Variants in BAZ1B observed in about 807,000 individuals in gnomAD.
BAZ1B encodes the protein bromodomain adjacent to zinc finger domain 1B.
A neutral mutation model predicts 153.8 loss-of-function variants in BAZ1B; 22 were observed. That is an observed-to-expected ratio of 0.14 (90% CI 0.10 to 0.20). BAZ1B has a LOEUF of 0.20. Ranked by LOEUF, BAZ1B falls within the 10% of genes least tolerant of loss-of-function variation. The probability of loss-of-function intolerance (pLI) is 1.00; values close to 1 mark genes in which losing one functional copy is unlikely to be tolerated. For synonymous variants in BAZ1B, 676 were observed against 633.4 expected (o/e 1.07, Z -1.01); for missense variants, 1,325 against 1,799.3 (o/e 0.74, Z 4.77).
At chr7:73,487,593 A>G (rs782661734) in intron 6 of BAZ1B, among the ~76,000 whole-genome samples, 9 of 152,238 alleles carry the variant, frequency 5.9e-5, no homozygotes, top group Non-Finnish European at 1.3e-4. Context: ...TAAGGACTCA[A>G]GTAATCCAAG....
At chr7:73,464,570 T>C (rs1309095529) in intron 11 of BAZ1B, among the ~76,000 whole-genome samples, 1 of 152,228 alleles carries the variant, frequency 6.6e-6, no homozygotes, top group East Asian at 1.9e-4. Context: ...GATGTTTCAT[T>C]TGAATGGAAT....
intron 1 of BAZ1B, among the ~76,000 whole-genome samples, chr7:73,514,270 C>T (rs782399247): frequency 2.6e-5 from 4 of 152,048 alleles, no homozygotes; most frequent in African/African-American, 9.7e-5. Flanking sequence ...GTGGCTCATG[C>T]CTATAATCCT....
At chr7:73,496,735 G>C (rs369802825) in intron 4 of BAZ1B, among the ~76,000 whole-genome samples, 1 of 152,098 alleles carries the variant, frequency 6.6e-6, no homozygotes, top group Non-Finnish European at 1.5e-5. Context: ...ACCTGCTCCC[G>C]TGTGAGAGGG....
At chr7:73,447,220 T>G in intron 16 of BAZ1B, 44 bp downstream of exon 16, 1 of 1,612,478 alleles carries the variant, frequency 6.2e-7, no homozygotes, top group Non-Finnish European at 8.5e-7. Flanking sequence ...GTTCCAAGCT[T>G]AGAAGACTGT....
rs1554573035 is a variant in BAZ1B at position 73,477,619 on chromosome 7, C to T, written c.1842G>A (p.Val614=). 1.2e-6 allele frequency: 2 copies of T among 1,614,178 alleles called. No individual in the cohort carries two copies. Among genetic ancestry groups the T allele is most frequent in the Non-Finnish European group, 1.7e-6 (2 of 1,180,032 alleles). Residue 614 remains valine, a synonymous_variant, in exon 7 of 20, where the codon GTG becomes GTA. Transcript: ENST00000339594. This position sits in a 1 kb window ranked among gnomAD's most constrained non-coding sequence, Gnocchi z 5.6. ...GCCCAGAATAACAGCTCAAGAATTC[C>T]ACCACCATGGCCACATCCCCAAACA... The part of the protein sequence containing the change: ...NTLFGDVAMV[V]EFLSCYSGLL...
At chr7:73,470,873 T>C (rs565696795) in intron 7 of BAZ1B, among the ~76,000 whole-genome samples, 1 of 152,202 alleles carries the variant, frequency 6.6e-6, no homozygotes. Context: ...GTCGCTGGAC[T>C]ACAGGCACAC....
chr7:73,442,847 C>T lies in BAZ1B; in HGVS notation c.3991-19G>A. 6.3e-7 allele frequency: 1 copy of T among 1,586,116 alleles called. No homozygotes were observed. Among genetic ancestry groups the T allele is most frequent in the Non-Finnish European group, 8.7e-7 (1 of 1,155,676 alleles). ...GAAGCACCTGGCAGGAAAGAAAGAA[C>T]AATGTTATTACAGATTCAAGACAGG... On this transcript the variant is annotated intron_variant, in intron 17 of 19. Coordinates refer to ENST00000339594, the MANE Select transcript of BAZ1B (RefSeq NM_032408.4).
chr7:73,518,925 C>T (rs1233914152), intron 1 of BAZ1B, among the ~76,000 whole-genome samples: 1 of 152,112 alleles, frequency 6.6e-6, no homozygotes, highest in Admixed American at 6.6e-5. Flanking sequence ...AGCTCCAATT[C>T]CTGCCTAAAA....
chr7:73,447,292 T>TTCC lies in BAZ1B; in HGVS notation c.3813_3815dup (p.Glu1273dup), dbSNP rs551016129. On this transcript the variant is annotated inframe_insertion, in exon 16 of 20. Coordinates refer to ENST00000339594, the MANE Select transcript of BAZ1B (RefSeq NM_032408.4). The stretch of plus-strand genomic sequence containing the variant: ...GCAAACCAGCCACCTCATAATCTTC[T>TTCC]TCCTCCTCCTCCTCTTCTTCCTCCT... 1.5e-4 allele frequency: 234 copies of TTCC among 1,609,042 alleles called. No homozygotes were observed. Among genetic ancestry groups the TTCC allele is most frequent in the Non-Finnish European group, 1.8e-4 (217 of 1,175,310 alleles).
At chr7:73,495,460 G>A (rs1016874683) in intron 4 of BAZ1B, among the ~76,000 whole-genome samples, 1 of 152,088 alleles carries the variant, frequency 6.6e-6, no homozygotes, top group African/African-American at 2.4e-5. Context: ...AGAAGGCAAA[G>A]AATAGAATCC....
chr7:73,468,032 A>T (rs1340704272), intron 9 of BAZ1B, among the ~76,000 whole-genome samples: 1 of 152,226 alleles, frequency 6.6e-6, no homozygotes, highest in Non-Finnish European at 1.5e-5. Flanking sequence ...CTTATTTAAC[A>T]ATTTTGTGAG....
chr7:73,510,957 T>C, intron 1 of BAZ1B, 105 bp from the exon 2 acceptor site: 1 of 910,278 alleles, frequency 1.1e-6, no homozygotes, highest in South Asian at 1.5e-5. Context: ...CTTTTTAAAA[T>C]GTGTAGCATG....
At chr7:73,501,530 C>G (rs2116423215) in intron 3 of BAZ1B, among the ~76,000 whole-genome samples, 1 of 152,286 alleles carries the variant, frequency 6.6e-6, no homozygotes, top group South Asian at 2.1e-4. Context: ...GAGGGTGCTA[C>G]TGGCATCTAG....
At chr7:73,499,178 C>A (rs1243189137) in intron 3 of BAZ1B, among the ~76,000 whole-genome samples, 1 of 152,120 alleles carries the variant, frequency 6.6e-6, no homozygotes, top group East Asian at 1.9e-4. Flanking sequence ...TAGGCACGCA[C>A]CATCGTGCCA....
At chr7:73,500,661 T>C (rs1233487026) in intron 3 of BAZ1B, among the ~76,000 whole-genome samples, 1 of 147,822 alleles carries the variant, frequency 6.8e-6, no homozygotes, top group African/African-American at 2.5e-5. Flanking sequence ...GAGGCTGAAG[T>C]GGGTGGGTCA....
intron 13 of BAZ1B, among the ~76,000 whole-genome samples, chr7:73,458,809 G>C (rs1788289357): frequency 1.3e-5 from 2 of 152,166 alleles, no homozygotes; most frequent in Admixed American, 6.5e-5. Flanking sequence ...TGGGAGGATA[G>C]CTTGAGGCCA....
At chr7:73,462,651 T>G in intron 12 of BAZ1B, 1 of 429,554 alleles carries the variant, frequency 2.3e-6, no homozygotes, top group South Asian at 2.4e-5. Flanking sequence ...GACTGGAGCC[T>G]CTACAACCAG....
Position 73,456,937 on chromosome 7 carries a change from C to CA in BAZ1B, c.3432+2598dup, listed in dbSNP as rs71071937. Among the ~76,000 whole-genome samples, 37 of 39,582 alleles carry CA rather than the reference C, an allele frequency of 9.3e-4. 6 individuals are homozygous for CA. Among genetic ancestry groups the CA allele is most frequent in the Admixed American group, 2.3e-3 (5 of 2,142 alleles). The allele number at this position is 39,582 out of a possible 152,430, so 26.0% of individuals were successfully genotyped here. On this transcript the variant is annotated intron_variant, in intron 13 of 19. Transcript: ENST00000339594. ...GGCCTCGGCGACAGAGACTCTGTCT[C>CA]AAAAAAAAAAAAAAAAAAAAAAAAA...
Position 73,463,076 on chromosome 7 carries a change from A to G in BAZ1B, c.3095T>C (p.Ile1032Thr), listed in dbSNP as rs1788451898. The G allele has an allele frequency of 6.2e-7, 1 of 1,613,762 alleles. No individual in the cohort carries two copies. Among genetic ancestry groups the G allele is most frequent in the East Asian group, 2.2e-5 (1 of 44,856 alleles). Residue 1032 changes from isoleucine to threonine, a missense_variant, in exon 12 of 20, where the codon ATT becomes ACT. This residue lies in a region of BAZ1B where 431 missense variants were observed against 563.5 expected (regional missense o/e 0.76). Coordinates refer to ENST00000339594, the MANE Select transcript of BAZ1B (RefSeq NM_032408.4). ...CAAATTTGGCTTCCGTGCTAGATGA[A>G]TAGAGTGAATAATGTCCTGGTACCT... is the stretch of plus-strand genomic sequence containing the variant. ...EKRYQDIIHS[I>T]HLARKPNLGL... is the part of the protein sequence containing the mutation.
Sources: allele counts gnomAD v4.1 joint callset (sites outside exome capture counted in the v4.1 genomes callset), GRCh38; gene constraint gnomAD v4.1.1; regional missense constraint gnomAD v4.1.1; non-coding constraint Gnocchi (gnomAD v3.1); transcripts MANE v1.5; gene names NCBI Gene and HGNC (gene_info 2026-07-23, HGNC 2026-07-21).